Variants in GPC6 observed in about 807,000 individuals in gnomAD.
The protein encoded by GPC6 is glypican 6, also known as glypican-6.
Under a neutral mutation model 55.2 loss-of-function variants are expected in GPC6, and 14 were observed. That is an observed-to-expected ratio of 0.25 (90% CI 0.17 to 0.40). The LOEUF is 0.40. GPC6 is among the 10% of genes least tolerant of loss of function. The probability of loss-of-function intolerance (pLI) is 1.00; values close to 1 mark genes in which losing one functional copy is unlikely to be tolerated. For synonymous variants in GPC6, 278 were observed against 259.6 expected (o/e 1.07, Z -0.68); for missense variants, 641 against 708.5 (o/e 0.90, Z 1.08).
chr13:93,421,294 C>A (rs1422816497), intron 1 of GPC6, among the ~76,000 whole-genome samples: 1 of 152,072 alleles, frequency 6.6e-6, no homozygotes, highest in African/African-American at 2.4e-5. Context: ...TGGTTAGGAG[C>A]CCCACACTCC....
Position 94,208,165 on chromosome 13 carries a change from G to T in GPC6, c.878-78184G>T, listed in dbSNP as rs1889961404. On this transcript the variant is annotated intron_variant, in intron 4 of 8. Transcript: ENST00000377047. ...CTGCTTGGTGCCAGTTAATTGGTGT[G>T]AAAAAGACATCATTCTTGCGTATAC... Among the ~76,000 whole-genome samples, 3 of 152,112 alleles carry T rather than the reference G, an allele frequency of 2.0e-5. No individual in the cohort carries two copies. In the South Asian group the frequency reaches 6.2e-4, roughly 32 times the overall value.
At chr13:93,912,639 A>C (rs1274599527) in intron 3 of GPC6, among the ~76,000 whole-genome samples, 1 of 152,186 alleles carries the variant, frequency 6.6e-6, no homozygotes, top group Non-Finnish European at 1.5e-5. Context: ...GCTACTCGGG[A>C]GGCTGAGGCA....
intron 4 of GPC6, among the ~76,000 whole-genome samples, chr13:94,207,399 G>T (rs528800678): frequency 6.6e-6 from 1 of 152,090 alleles, no homozygotes; most frequent in African/African-American, 2.4e-5. Flanking sequence ...AAATGTAATC[G>T]TTCCCATTTT....
intron 1 of GPC6, among the ~76,000 whole-genome samples, chr13:93,477,951 A>G (rs935345588): frequency 1.3e-5 from 2 of 152,040 alleles, no homozygotes; most frequent in African/African-American, 4.8e-5. Flanking sequence ...TTATTAATAT[A>G]TAAGATAGTT....
intron 3 of GPC6, among the ~76,000 whole-genome samples, chr13:93,904,360 G>T (rs896847394): frequency 4.6e-5 from 7 of 152,040 alleles, no homozygotes; most frequent in Admixed American, 4.6e-4. Context: ...AGACATGCAG[G>T]TTACAAATCC....
At chr13:94,390,936 A>G (rs1014449826) in intron 7 of GPC6, among the ~76,000 whole-genome samples, 1 of 152,010 alleles carries the variant, frequency 6.6e-6, no homozygotes, top group Admixed American at 6.6e-5. Context: ...AGAAGGGAGC[A>G]TGTTTCTTGT....
At chr13:93,761,122 T>C in intron 2 of GPC6, among the ~76,000 whole-genome samples, 1 of 152,198 alleles carries the variant, frequency 6.6e-6, no homozygotes, top group Non-Finnish European at 1.5e-5. Flanking sequence ...GCCTTTATTT[T>C]TATTCTCTAT....
intron 6 of GPC6, among the ~76,000 whole-genome samples, chr13:94,353,321 A>C (rs9524455): frequency 0.012 from 1,755 of 152,158 alleles, 17 homozygotes; most frequent in Middle Eastern, 0.027. Flanking sequence ...TTAATCCAAA[A>C]CCTAATTTTT....
intron 6 of GPC6, among the ~76,000 whole-genome samples, chr13:94,323,197 A>G (rs576261366): frequency 6.6e-6 from 1 of 152,250 alleles, no homozygotes; most frequent in South Asian, 2.1e-4. Flanking sequence ...CCAGATGCAC[A>G]GCCCCTTTTA....
rs1404381444 is a variant in GPC6, at chr13:93,500,568, TATTTTAC to T, written c.161-44692_161-44686del. 2.0e-5 allele frequency among the ~76,000 whole-genome samples: 3 copies of T among 152,152 alleles called. No individual in the cohort carries two copies. The East Asian group carries it at 5.8e-4, about 29-fold the overall frequency. On this transcript the variant is annotated intron_variant, in intron 1 of 8. Transcript: ENST00000377047. Reference sequence around the variant, plus strand: ...ACTTAATATCCCACGAACATATATCTATTTTACATCCTCAAAGCTCTTCTTCAACATT... The same window carrying T: ...ACTTAATATCCCACGAACATATATCTATCCTCAAAGCTCTTCTTCAACATT...
chr13:94,142,785 A>G (rs1374627569), intron 4 of GPC6, among the ~76,000 whole-genome samples: 1 of 151,948 alleles, frequency 6.6e-6, no homozygotes, highest in African/African-American at 2.4e-5. Flanking sequence ...AAATGTATAT[A>G]TAGGAGAGAG....
intron 3 of GPC6, among the ~76,000 whole-genome samples, chr13:93,906,476 G>T (rs938093904): frequency 5.3e-5 from 8 of 152,084 alleles, no homozygotes; most frequent in African/African-American, 1.9e-4. Context: ...TTACCCAATG[G>T]TCCAAAATCC....
rs575058645 is a variant in GPC6, at chr13:94,029,647, G to C, written c.877+1753G>C. 3.3e-5 allele frequency among the ~76,000 whole-genome samples: 5 copies of C among 152,296 alleles called. No homozygotes were observed. In the East Asian group the frequency reaches 9.7e-4, roughly 29 times the overall value. ...ATGCCCTAATTCCTAGCACAGTTCA[G>C]TTGGCTTCAGTCAGCCTGCAAGTTA... On this transcript the variant is annotated intron_variant, in intron 4 of 8. Coordinates refer to ENST00000377047, the MANE Select transcript of GPC6 (RefSeq NM_005708.5).
At chr13:94,018,292 CTT>C (rs113742518) in intron 3 of GPC6, among the ~76,000 whole-genome samples, 2 of 143,792 alleles carry the variant, frequency 1.4e-5, no homozygotes, top group African/African-American at 2.5e-5. Flanking sequence ...TAGTATAATC[CTT>C]TTTTTTTTTT....
At chr13:93,420,053 A>G (rs1876870324) in intron 1 of GPC6, among the ~76,000 whole-genome samples, 1 of 152,078 alleles carries the variant, frequency 6.6e-6, no homozygotes, top group African/African-American at 2.4e-5. Flanking sequence ...ATAGAACAAC[A>G]TTGTTTTTGC....
At chr13:94,324,794 T>C (rs1877028164) in intron 6 of GPC6, among the ~76,000 whole-genome samples, 1 of 152,112 alleles carries the variant, frequency 6.6e-6, no homozygotes, top group East Asian at 1.9e-4. Flanking sequence ...AAGCAGAATC[T>C]GTGTGGCAGC....
At chr13:94,355,448 T>C (rs1878750114) in intron 6 of GPC6, among the ~76,000 whole-genome samples, 1 of 152,206 alleles carries the variant, frequency 6.6e-6, no homozygotes, top group Non-Finnish European at 1.5e-5. Flanking sequence ...TATTGCTTTC[T>C]TCTGGAAGAG....
At chr13:93,446,744 G>C (rs1383610485) in intron 1 of GPC6, among the ~76,000 whole-genome samples, 1 of 152,114 alleles carries the variant, frequency 6.6e-6, no homozygotes, top group African/African-American at 2.4e-5. Flanking sequence ...TGTTAGATTC[G>C]ATGTTTGCTT....
chr13:93,473,057 G>C (rs1594194917), intron 1 of GPC6, among the ~76,000 whole-genome samples: 1 of 152,296 alleles, frequency 6.6e-6, no homozygotes, highest in Middle Eastern at 3.4e-3. Flanking sequence ...CACATGGGAG[G>C]AAATGTGCAC....
Sources: gnomAD v4.1 joint callset for allele counts (sites outside exome capture counted in the v4.1 genomes callset) on GRCh38, gnomAD v4.1.1 for gene constraint, MANE v1.5 for transcripts, NCBI Gene and HGNC (gene_info 2026-07-23, HGNC 2026-07-21) for gene names.